The following NAALADL2 variants were observed in gnomAD, a reference collection of about 807,000 sequenced individuals.
The protein encoded by NAALADL2 is N-acetylated alpha-linked acidic dipeptidase like 2, also known as inactive N-acetylated-alpha-linked acidic dipeptidase-like protein 2.
In NAALADL2, 76 loss-of-function variants were observed where a neutral mutation model predicts 87.2. That is an observed-to-expected ratio of 0.87 (90% confidence interval 0.72 to 1.05). NAALADL2 has a LOEUF of 1.05. Among genes scored for constraint, NAALADL2 ranks in the 50% least tolerant of loss-of-function variants. The pLI, the probability that NAALADL2 is intolerant of heterozygous loss-of-function variation, is 0.00. For missense variants in NAALADL2, 1,089 were observed against 945.8 expected (o/e 1.15, Z -1.99); for synonymous variants, 354 against 331.0 (o/e 1.07, Z -0.75).
intron 9 of NAALADL2, among the ~76,000 whole-genome samples, chr3:175,507,616 G>A (rs543520186): frequency 5.3e-5 from 8 of 152,046 alleles, no homozygotes; most frequent in Non-Finnish European, 1.2e-4. Flanking sequence ...TAGAGATGGC[G>A]TTTCACCATG....
At chr3:175,195,992 T>A (rs1163848677) in intron 2 of NAALADL2, among the ~76,000 whole-genome samples, 1 of 151,916 alleles carries the variant, frequency 6.6e-6, no homozygotes. Flanking sequence ...ATTATTTTAA[T>A]GCCTTTGATA....
chr3:175,545,522 C>T (rs943056907), intron 9 of NAALADL2, among the ~76,000 whole-genome samples: 11 of 151,768 alleles, frequency 7.2e-5, no homozygotes, highest in African/African-American at 2.2e-4. Context: ...AGACACTTTC[C>T]CCCTTGAATA....
intron 10 of NAALADL2, among the ~76,000 whole-genome samples, chr3:175,596,057 C>T (rs1722205755): frequency 6.6e-6 from 1 of 151,792 alleles, no homozygotes; most frequent in Admixed American, 6.6e-5. Context: ...ATTCAGAATA[C>T]TTGATATTAA....
intron 2 of NAALADL2, among the ~76,000 whole-genome samples, chr3:174,733,180 T>C (rs1222401316): frequency 1.3e-5 from 2 of 152,180 alleles, no homozygotes; most frequent in Admixed American, 6.5e-5. Flanking sequence ...GAGATAATCA[T>C]TAAGTTTCTT....
intron 3 of NAALADL2, among the ~76,000 whole-genome samples, chr3:174,793,682 A>T (rs1300392883): frequency 1.3e-5 from 2 of 152,170 alleles, no homozygotes; most frequent in African/African-American, 4.8e-5. Context: ...TTTCATTAAA[A>T]ATCCGTGATC....
At chr3:175,398,323 T>C (rs1436695296) in intron 5 of NAALADL2, among the ~76,000 whole-genome samples, 1 of 150,144 alleles carries the variant, frequency 6.7e-6, no homozygotes, top group Non-Finnish European at 1.5e-5. Flanking sequence ...CTTTCATTCT[T>C]AATTAGTGAT....
At chr3:175,077,657 A>G (rs1716868562) in intron 1 of NAALADL2, among the ~76,000 whole-genome samples, 1 of 152,192 alleles carries the variant, frequency 6.6e-6, no homozygotes, top group Non-Finnish European at 1.5e-5. Flanking sequence ...ATATAGTAAT[A>G]TCATAAATAT....
chr3:175,760,145 T>C (rs562062005), intron 13 of NAALADL2, among the ~76,000 whole-genome samples: 1 of 152,176 alleles, frequency 6.6e-6, no homozygotes, highest in East Asian at 1.9e-4. Flanking sequence ...TTAGTGATTG[T>C]GTGGCTCTAA....
At chr3:175,594,894 T>C (rs975923453) in intron 10 of NAALADL2, among the ~76,000 whole-genome samples, 4 of 152,136 alleles carry the variant, frequency 2.6e-5, no homozygotes, top group Non-Finnish European at 2.9e-5. Flanking sequence ...ACATTCTAGA[T>C]ATTAGACTTT....
chr3:175,115,339 A>C (rs950473166), intron 2 of NAALADL2: 2 of 151,526 alleles, frequency 1.3e-5, no homozygotes, highest in Non-Finnish European at 3.0e-5. Flanking sequence ...TATTGATGTC[A>C]CAAAGGTTAG....
chr3:174,933,089 C>G (rs138596726), intron 1 of NAALADL2, among the ~76,000 whole-genome samples: 2 of 152,282 alleles, frequency 1.3e-5, no homozygotes, highest in African/African-American at 4.8e-5. Flanking sequence ...TGCACTCCAG[C>G]CTGGGCAACA....
intron 1 of NAALADL2, among the ~76,000 whole-genome samples, chr3:174,537,500 G>A (rs1001378875): frequency 3.3e-5 from 5 of 152,140 alleles, no homozygotes; most frequent in Admixed American, 3.3e-4. Flanking sequence ...GTGCCAGGTA[G>A]TTTACATTGA....
At chr3:175,556,464 A>G (rs1715282018) in intron 9 of NAALADL2, among the ~76,000 whole-genome samples, 2 of 152,230 alleles carry the variant, frequency 1.3e-5, no homozygotes, top group South Asian at 4.1e-4. Context: ...AAAGAATAAG[A>G]TAATATACCT....
chr3:174,626,706 T>C (rs757325703), intron 2 of NAALADL2, among the ~76,000 whole-genome samples: 2 of 152,040 alleles, frequency 1.3e-5, no homozygotes, highest in Non-Finnish European at 2.9e-5. Context: ...TAATTTATTA[T>C]TGTATTTTAA....
chr3:175,362,051 G>T (rs1765077560), intron 5 of NAALADL2, among the ~76,000 whole-genome samples: 1 of 148,236 alleles, frequency 6.7e-6, no homozygotes, highest in South Asian at 2.2e-4. Flanking sequence ...TGTATAAGGT[G>T]TAAGGAAGGG....
chr3:175,052,533 C>A (rs971009721), intron 1 of NAALADL2, among the ~76,000 whole-genome samples: 3 of 152,180 alleles, frequency 2.0e-5, no homozygotes, highest in African/African-American at 7.2e-5. Context: ...AAATCACAAT[C>A]ATCATTGAAA....
intron 5 of NAALADL2, among the ~76,000 whole-genome samples, chr3:175,357,682 T>C (rs1764547355): frequency 6.6e-6 from 1 of 152,146 alleles, no homozygotes; most frequent in Admixed American, 6.6e-5. Context: ...TAACAAGATA[T>C]GTCAGAGGCA....
chr3:175,697,432 C>CACACACACACAA (rs71626217), intron 11 of NAALADL2, among the ~76,000 whole-genome samples: 4 of 147,630 alleles, frequency 2.7e-5, no homozygotes, highest in Admixed American at 1.3e-4. Context: ...CACACACACA[C>CACACACACACAA]AAAACCCTAC....
chr3:175,755,076 A>AG, intron 12 of NAALADL2, 144 bp from the exon 13 acceptor site: 1 of 631,730 alleles, frequency 1.6e-6, no homozygotes, highest in Non-Finnish European at 2.6e-6. Flanking sequence ...GACAAAAAAA[A>AG]AGAGAGAGAG....
Sources: gnomAD v4.1 joint callset for allele counts (sites outside exome capture counted in the v4.1 genomes callset) on GRCh38, gnomAD v4.1.1 for gene constraint, MANE v1.5 for transcripts, NCBI Gene and HGNC (gene_info 2026-07-23, HGNC 2026-07-21) for gene names.